The following EIF3L variants were observed in gnomAD, a reference collection of about 807,000 sequenced individuals.
EIF3L encodes the protein eukaryotic translation initiation factor 3 subunit L.
A neutral mutation model predicts 74.6 loss-of-function variants in EIF3L; 32 were observed. The observed-to-expected ratio is 0.43, with a 90% CI of 0.32 to 0.58. EIF3L has a LOEUF of 0.58. EIF3L is among the 20% of genes least tolerant of loss of function. The probability of loss-of-function intolerance (pLI) is 0.06; values close to 1 mark genes in which losing one functional copy is unlikely to be tolerated. For synonymous variants in EIF3L, 256 were observed against 254.4 expected (o/e 1.01, Z -0.06); for missense variants, 474 against 707.8 (o/e 0.67, Z 3.75).
intron 12 of EIF3L, 67 bp from the exon 13 acceptor site, chr22:37,888,359 C>T: frequency 6.4e-7 from 1 of 1,556,310 alleles, no homozygotes; most frequent in South Asian, 1.1e-5. Flanking sequence ...ACCTAGTGAT[C>T]ATACACACTG....
At chr22:37,870,059 C>A in intron 7 of EIF3L, 117 bp from the exon 8 acceptor site, 1 of 815,200 alleles carries the variant, frequency 1.2e-6, no homozygotes, top group Non-Finnish European at 1.9e-6. Flanking sequence ...AAGTGGTCAT[C>A]TCACCCTCAC....
intron 7 of EIF3L, among the ~76,000 whole-genome samples, chr22:37,869,239 G>A (rs1046608570): frequency 9.2e-5 from 14 of 152,234 alleles, no homozygotes; most frequent in Admixed American, 7.2e-4. Flanking sequence ...GGCAAAGCCC[G>A]TACCTCAGCC....
intron 7 of EIF3L, among the ~76,000 whole-genome samples, 189 bp downstream of exon 7, chr22:37,863,534 G>A (rs554707356): frequency 1.5e-4 from 23 of 152,188 alleles, no homozygotes; most frequent in Non-Finnish European, 2.8e-4. Context: ...CTCCAGATAG[G>A]AAGCTGGAAG....
intron 11 of EIF3L, chr22:37,883,189 C>CG (rs1927141702): frequency 7.1e-6 from 1 of 141,484 alleles, no homozygotes; most frequent in South Asian, 2.4e-4. Context: ...TCAGCTACTC[C>CG]GGAGGCTGAG....
At chr22:37,878,995 G>A (rs1926905205) in intron 11 of EIF3L, 1 of 144,058 alleles carries the variant, frequency 6.9e-6, no homozygotes, top group Non-Finnish European at 1.5e-5. Context: ...CCAGGCTAGA[G>A]TGCAGTGGTG....
chr22:37,885,538 T>C (rs757498389), intron 11 of EIF3L: 5 of 151,948 alleles, frequency 3.3e-5, no homozygotes, highest in African/African-American at 4.8e-5. Context: ...CTAGGGGATA[T>C]AGAAAATTTT....
chr22:37,855,476 T>C, intron 3 of EIF3L, 89 bp from the exon 4 acceptor site: 1 of 1,233,860 alleles, frequency 8.1e-7, no homozygotes, highest in Non-Finnish European at 1.2e-6. Context: ...ATCTTCCCCT[T>C]TCTAAGCCTG....
At chr22:37,865,470 CA>C (rs1414457865) in intron 7 of EIF3L, among the ~76,000 whole-genome samples, 1 of 151,692 alleles carries the variant, frequency 6.6e-6, no homozygotes, top group Admixed American at 6.6e-5. Context: ...AAAAAAAAAC[CA>C]AAAAAAATAA....
At chr22:37,865,944 T>A (rs1926125664) in intron 7 of EIF3L, among the ~76,000 whole-genome samples, 1 of 152,226 alleles carries the variant, frequency 6.6e-6, no homozygotes, top group South Asian at 2.1e-4. Context: ...ACAAAGACTG[T>A]CCAGTGAGGG....
chr22:37,888,305 C>G (rs1927426561), intron 12 of EIF3L, 121 bp from the exon 13 acceptor site: 3 of 1,009,034 alleles, frequency 3.0e-6, no homozygotes, highest in Admixed American at 1.9e-5. Context: ...ACACCCACAT[C>G]AGAAACTTCC....
chr22:37,855,614 G>A lies in EIF3L; in HGVS notation c.343G>A (p.Ala115Thr). 1 of 1,614,158 alleles carries A rather than the reference G, an allele frequency of 6.2e-7. No homozygotes were observed. Among genetic ancestry groups the A allele is most frequent in the South Asian group, 1.1e-5 (1 of 91,086 alleles). Residue 115 changes from alanine (A) to threonine (T), a missense_variant, in exon 4 of 13, where the codon GCT becomes ACT. Physicochemically the swap from Ala to Thr is moderately conservative, Grantham distance 58. This residue lies in a region of EIF3L where 141 missense variants were observed against 197.7 expected (regional missense o/e 0.71). Coordinates refer to ENST00000652021, the MANE Select transcript of EIF3L (RefSeq NM_016091.4). ...CTTCAAGAATACACCTTGGCCCGAG[G>A]CTGAAGCCATTGCTCCACAGGTTGG... is the stretch of plus-strand genomic sequence containing the variant. Reference protein sequence around the residue: ...RFFKNTPWPEAEAIAPQVGND... With the variant: ...RFFKNTPWPETEAIAPQVGND...
intron 7 of EIF3L, among the ~76,000 whole-genome samples, chr22:37,866,133 C>G (rs1926137565): frequency 6.6e-6 from 1 of 152,152 alleles, no homozygotes; most frequent in Non-Finnish European, 1.5e-5. Context: ...AGGAAAGGCA[C>G]CTTGTTGATG....
At chr22:37,851,121 A>C (rs1420119571) in intron 2 of EIF3L, among the ~76,000 whole-genome samples, 159 bp from the exon 3 acceptor site, 1 of 152,240 alleles carries the variant, frequency 6.6e-6, no homozygotes, top group Non-Finnish European at 1.5e-5. Context: ...AGAAACAGGG[A>C]CAACGAGATT....
At chr22:37,853,114 T>A (rs1011480377) in intron 3 of EIF3L, among the ~76,000 whole-genome samples, 9 of 152,096 alleles carry the variant, frequency 5.9e-5, no homozygotes, top group Non-Finnish European at 1.2e-4. Context: ...ATGCTACCGA[T>A]GATGAGTCCG....
chr22:37,858,315 G>C (rs1471314804), intron 4 of EIF3L, among the ~76,000 whole-genome samples: 1 of 131,508 alleles, frequency 7.6e-6, no homozygotes, highest in Admixed American at 9.3e-5. Flanking sequence ...ACCTGTGCCT[G>C]CTGGGCTCAA....
intron 3 of EIF3L, among the ~76,000 whole-genome samples, chr22:37,854,867 C>G (rs1386617410): frequency 6.6e-6 from 1 of 152,120 alleles, no homozygotes; most frequent in African/African-American, 2.4e-5. Flanking sequence ...TCTTGAATTC[C>G]TGGGTTCAAG....
At chr22:37,856,519 T>A (rs1447265512) in intron 4 of EIF3L, among the ~76,000 whole-genome samples, 1 of 152,228 alleles carries the variant, frequency 6.6e-6, no homozygotes, top group African/African-American at 2.4e-5. Context: ...CACATTGTCT[T>A]GATTACTATA....
At chr22:37,884,104 CT>C (rs1927199781) in intron 11 of EIF3L, 1 of 152,210 alleles carries the variant, frequency 6.6e-6, no homozygotes, top group Non-Finnish European at 1.5e-5. Flanking sequence ...TAGCAAACCC[CT>C]AATCTGCTTT....
At chr22:37,857,474 G>C (rs1044471334) in intron 4 of EIF3L, among the ~76,000 whole-genome samples, 2 of 149,600 alleles carry the variant, frequency 1.3e-5, no homozygotes, top group African/African-American at 4.9e-5. Context: ...AGTGTTTTGT[G>C]TTTTCAGTGT....
Sources: gnomAD v4.1 joint callset for allele counts (sites outside exome capture counted in the v4.1 genomes callset) on GRCh38, gnomAD v4.1.1 for gene constraint, gnomAD v4.1.1 regional missense constraint, MANE v1.5 for transcripts, NCBI Gene and HGNC (gene_info 2026-07-23, HGNC 2026-07-21) for gene names.